The following ANKH variants were observed in gnomAD, a reference collection of about 807,000 sequenced individuals.
The protein encoded by ANKH is ANKH inorganic pyrophosphate transport regulator.
In ANKH, 15 loss-of-function variants were observed where a neutral mutation model predicts 49.0. The observed-to-expected ratio is 0.31, with a 90% CI of 0.20 to 0.47. The LOEUF is 0.47. Ranked by LOEUF, ANKH falls within the 20% of genes least tolerant of loss-of-function variation. The probability of loss-of-function intolerance (pLI) is 1.00; values close to 1 mark genes in which losing one functional copy is unlikely to be tolerated. For synonymous variants in ANKH, 273 were observed against 260.0 expected (o/e 1.05, Z -0.48); for missense variants, 429 against 652.0 (o/e 0.66, Z 3.72).
chr5:14,871,506 AGGCGAGG>A lies in ANKH; in HGVS notation c.-66_-60del. 1.4e-6 allele frequency: 2 copies of A among 1,380,398 alleles called. No individual in the cohort carries two copies. Among genetic ancestry groups the A allele is most frequent in the Non-Finnish European group, 2.0e-6 (2 of 1,003,934 alleles). 85.5% of individuals were successfully genotyped at this position (1,380,398 alleles called of 1,614,324 possible). On this transcript the variant is annotated 5_prime_UTR_variant, in exon 1 of 12. Coordinates refer to ENST00000284268, the MANE Select transcript of ANKH (RefSeq NM_054027.6). ...GCTGCCGCGAGGGGACTCTGCGGGG[AGGCGAGG>A]GGCGACGGGGCGACGGGGCGAGCGG... is the stretch of plus-strand genomic sequence containing the variant.
At chr5:14,764,966 C>T (rs571934966) in intron 2 of ANKH, among the ~76,000 whole-genome samples, 18 of 152,258 alleles carry the variant, frequency 1.2e-4, no homozygotes, top group Admixed American at 2.0e-4. Context: ...TCGACATCTT[C>T]GTGAATTAGG....
chr5:14,711,432 A>G (rs1351349706), intron 11 of ANKH, 122 bp from the exon 12 acceptor site: 20 of 818,806 alleles, frequency 2.4e-5, no homozygotes, highest in Non-Finnish European at 3.7e-5. Flanking sequence ...AAACCTTCTT[A>G]TGGTTGGGGT....
intron 8 of ANKH, among the ~76,000 whole-genome samples, chr5:14,718,849 A>G (rs1349888470): frequency 1.4e-5 from 2 of 141,260 alleles, no homozygotes; most frequent in Non-Finnish European, 3.1e-5. Context: ...CAAAAAAAAA[A>G]GACATAGAAA....
At chr5:14,781,857 C>T (rs996758455) in intron 1 of ANKH, among the ~76,000 whole-genome samples, 3 of 152,324 alleles carry the variant, frequency 2.0e-5, no homozygotes, top group Admixed American at 1.3e-4. Context: ...AGATGGTTCT[C>T]AAATGATACT....
chr5:14,809,336 A>T (rs1355294510), intron 1 of ANKH, among the ~76,000 whole-genome samples: 5 of 32,056 alleles, frequency 1.6e-4, no homozygotes, highest in Middle Eastern at 7.7e-3. Context: ...AGAGTATAAT[A>T]AAAAAAAAAA....
At chr5:14,863,191 A>G (rs1410146020) in intron 1 of ANKH, among the ~76,000 whole-genome samples, 1 of 152,140 alleles carries the variant, frequency 6.6e-6, no homozygotes, top group Non-Finnish European at 1.5e-5. Flanking sequence ...TAGTATTAAA[A>G]TGATAAAAGC....
rs1737722993 is a variant in ANKH at position 14,723,211 on chromosome 5, G to A, written c.1012-6376C>T. Among the ~76,000 whole-genome samples, 3 of 152,128 alleles carry A rather than the reference G, an allele frequency of 2.0e-5. No homozygotes were observed. In the South Asian group the frequency reaches 6.2e-4, roughly 32 times the overall value. ...CAGTGAAATCCTAATGCACCATGGA[G>A]TTTAGTTCACAGTCACACACCAGGG... is the stretch of plus-strand genomic sequence containing the variant. On this transcript the variant is annotated intron_variant, in intron 8 of 11. Coordinates refer to ENST00000284268, the MANE Select transcript of ANKH (RefSeq NM_054027.6).
chr5:14,746,911 TGCTCTGA>T (rs1257016818), intron 6 of ANKH, among the ~76,000 whole-genome samples: 1 of 152,256 alleles, frequency 6.6e-6, no homozygotes, highest in African/African-American at 2.4e-5. Flanking sequence ...GACCATCCAT[TGCTCTGA>T]GAAGCCAAGA....
intron 8 of ANKH, among the ~76,000 whole-genome samples, chr5:14,729,064 C>CT (rs923080063): frequency 2.1e-4 from 31 of 151,066 alleles, no homozygotes; most frequent in Middle Eastern, 3.4e-3. Flanking sequence ...CCTTTTTTTT[C>CT]TTTTTTTTTG....
chr5:14,789,583 T>C (rs73050620), intron 1 of ANKH, among the ~76,000 whole-genome samples: 1,770 of 152,346 alleles, frequency 0.012, 39 homozygotes, highest in African/African-American at 0.041. Context: ...AATATTTCTT[T>C]CTATTTTATT....
intron 4 of ANKH, among the ~76,000 whole-genome samples, chr5:14,753,829 C>T (rs1413114976): frequency 1.2e-4 from 18 of 152,066 alleles, no homozygotes; most frequent in African/African-American, 3.6e-4. Flanking sequence ...AAACCCCCCT[C>T]GAGAATTGCC....
At position 14,775,959 on chromosome 5, in the gene ANKH, C is replaced by T. The variant is rs558954999; in HGVS notation, c.97-6768G>A. 8.5e-5 allele frequency among the ~76,000 whole-genome samples: 13 copies of T among 152,094 alleles called. No individual in the cohort carries two copies. The East Asian group carries it at 9.7e-4, about 11-fold the overall frequency. ...CAGGCCAGACAAGGTGCGGCTTGGCCGAGGGTGAGTAGTGGAGAGGGAGAG... is the reference window on the plus strand; with the variant it reads ...CAGGCCAGACAAGGTGCGGCTTGGCTGAGGGTGAGTAGTGGAGAGGGAGAG... On this transcript the variant is annotated intron_variant, in intron 1 of 11. Transcript: ENST00000284268.
chr5:14,775,377 A>G (rs1739584192), intron 1 of ANKH, among the ~76,000 whole-genome samples: 1 of 152,202 alleles, frequency 6.6e-6, no homozygotes, highest in Admixed American at 6.5e-5. Context: ...CAGTAAGAGT[A>G]ACAACAATAA....
intron 1 of ANKH, among the ~76,000 whole-genome samples, chr5:14,825,196 C>A (rs1339340854): frequency 6.6e-6 from 1 of 152,234 alleles, no homozygotes; most frequent in Non-Finnish European, 1.5e-5. Context: ...AAATACCCAA[C>A]TGCCTTGTGG....
chr5:14,792,023 C>T (rs1002159606), intron 1 of ANKH, among the ~76,000 whole-genome samples: 24 of 152,276 alleles, frequency 1.6e-4, no homozygotes, highest in African/African-American at 5.3e-4. Context: ...CTGATTCGAT[C>T]AGCAAGAGCA....
chr5:14,755,547 A>C (rs545715038), intron 4 of ANKH, among the ~76,000 whole-genome samples: 6 of 152,238 alleles, frequency 3.9e-5, no homozygotes, highest in Non-Finnish European at 7.3e-5. Context: ...GACATGCCGA[A>C]AGGTACTAGG....
intron 1 of ANKH, among the ~76,000 whole-genome samples, chr5:14,828,230 G>A (rs1220563020): frequency 6.6e-6 from 1 of 152,222 alleles, no homozygotes; most frequent in Non-Finnish European, 1.5e-5. Flanking sequence ...GGTGGCTCAT[G>A]CCTGTAATCC....
intron 2 of ANKH, among the ~76,000 whole-genome samples, chr5:14,760,539 CTGTT>C (rs1435009489): frequency 6.6e-6 from 1 of 152,176 alleles, no homozygotes; most frequent in Admixed American, 6.5e-5. Flanking sequence ...GTTGCTGCTG[CTGTT>C]TATTTGCACA....
chr5:14,810,347 C>T (rs1371006787), intron 1 of ANKH, among the ~76,000 whole-genome samples: 4 of 151,932 alleles, frequency 2.6e-5, no homozygotes, highest in Non-Finnish European at 4.4e-5. Flanking sequence ...TTAGTAGAGG[C>T]GCGGTTTCAC....
Sources: gnomAD v4.1 joint callset for allele counts (sites outside exome capture counted in the v4.1 genomes callset) on GRCh38, gnomAD v4.1.1 for gene constraint, MANE v1.5 for transcripts, NCBI Gene and HGNC (gene_info 2026-07-23, HGNC 2026-07-21) for gene names.